The following ME1 variants were observed in gnomAD, a reference collection of about 807,000 sequenced individuals.
ME1 encodes the protein NADP-dependent malic enzyme.
In ME1, 74 loss-of-function variants were observed where a neutral mutation model predicts 66.4. The observed-to-expected ratio is 1.11, with a 90% CI of 0.92 to 1.35. The LOEUF is 1.35. Ranked by LOEUF, ME1 falls within the 40% of genes most tolerant of loss-of-function variation. The pLI is 0.00. For missense variants in ME1, 750 were observed against 694.1 expected, an observed-to-expected ratio of 1.08 and a Z score of -0.90; for synonymous variants, 251 against 235.6, an observed-to-expected ratio of 1.07 and a Z score of -0.60.
chr6:83,243,075 T>C (rs888517661), intron 7 of ME1, among the ~76,000 whole-genome samples: 11 of 150,668 alleles, frequency 7.3e-5, no homozygotes, highest in Non-Finnish European at 1.3e-4. Context: ...CTGGGCAACA[T>C]AGAGATACCC....
At chr6:83,391,004 G>C (rs1174046321) in intron 3 of ME1, among the ~76,000 whole-genome samples, 1 of 152,054 alleles carries the variant, frequency 6.6e-6, no homozygotes, top group South Asian at 2.1e-4. Context: ...ATGACAGTAA[G>C]TGAAATAAAT....
chr6:83,279,618 A>G (rs1463544943), intron 6 of ME1, among the ~76,000 whole-genome samples: 3 of 152,162 alleles, frequency 2.0e-5, no homozygotes, highest in Admixed American at 6.6e-5. Context: ...GAGAGAGAGA[A>G]AAAAATAACA....
intron 5 of ME1, among the ~76,000 whole-genome samples, chr6:83,333,996 C>T (rs1309531213): frequency 1.3e-5 from 2 of 151,926 alleles, no homozygotes; most frequent in Non-Finnish European, 2.9e-5. Context: ...CTCTGGTCTA[C>T]AGCTCCCAGC....
At chr6:83,325,948 CAA>C (rs199839173) in intron 5 of ME1, among the ~76,000 whole-genome samples, 8 of 120,808 alleles carry the variant, frequency 6.6e-5, no homozygotes, top group African/African-American at 1.6e-4. Context: ...ACGAAGCAAA[CAA>C]AAAAAAAAAA....
chr6:83,420,242 A>G (rs1770239268), intron 1 of ME1, among the ~76,000 whole-genome samples: 1 of 151,980 alleles, frequency 6.6e-6, no homozygotes, highest in Admixed American at 6.6e-5. Flanking sequence ...TAATTTTTAT[A>G]TTTTTAGTAG....
chr6:83,317,462 G>C (rs1209570814), intron 5 of ME1, among the ~76,000 whole-genome samples: 2 of 151,476 alleles, frequency 1.3e-5, no homozygotes, highest in Non-Finnish European at 2.9e-5. Flanking sequence ...TTGGCTCTCT[G>C]TTTGTCTGTT....
At chr6:83,221,261 T>A (rs1476059905) in intron 12 of ME1, among the ~76,000 whole-genome samples, 6 of 152,106 alleles carry the variant, frequency 3.9e-5, no homozygotes, top group Non-Finnish European at 5.9e-5. Context: ...AAATTAAATG[T>A]CAAAGTGTGT....
At chr6:83,380,416 T>C (rs1444340605) in intron 3 of ME1, among the ~76,000 whole-genome samples, 1 of 152,070 alleles carries the variant, frequency 6.6e-6, no homozygotes, top group Non-Finnish European at 1.5e-5. Context: ...ATATATCTTT[T>C]TGAAAATCCA....
intron 7 of ME1, among the ~76,000 whole-genome samples, chr6:83,243,887 G>GTA (rs370591861): frequency 0.33 from 41,981 of 127,240 alleles, 6,841 homozygotes; most frequent in Middle Eastern, 0.43. Context: ...ATGTGTGTGT[G>GTA]TATATATATA....
At chr6:83,393,008 T>C in intron 3 of ME1, 1 of 1,033,360 alleles carries the variant, frequency 9.7e-7, no homozygotes. Flanking sequence ...GCCATGGGGC[T>C]CTCCAGAACA....
At chr6:83,304,327 C>A (rs1220560121) in intron 6 of ME1, among the ~76,000 whole-genome samples, 5 of 152,166 alleles carry the variant, frequency 3.3e-5, no homozygotes, top group Non-Finnish European at 5.9e-5. Context: ...AGCTGAGAGT[C>A]AGGCTCCAAA....
intron 5 of ME1, among the ~76,000 whole-genome samples, chr6:83,329,260 T>C (rs1227752344): frequency 6.6e-6 from 1 of 152,214 alleles, no homozygotes; most frequent in African/African-American, 2.4e-5. Flanking sequence ...ATTAGCACCT[T>C]GATGTATATT....
chr6:83,352,485 T>C (rs1020485401), intron 3 of ME1, among the ~76,000 whole-genome samples: 17 of 152,184 alleles, frequency 1.1e-4, no homozygotes, highest in South Asian at 2.1e-4. Context: ...CATGATATAA[T>C]ATATATAAAA....
At position 83,429,380 on chromosome 6, in the gene ME1, A is replaced by G. The variant is rs566385539; in HGVS notation, c.78+1497T>C. Among the ~76,000 whole-genome samples, 21 of 152,308 alleles carry G rather than the reference A, an allele frequency of 1.4e-4. No homozygotes were observed. In the South Asian group the frequency reaches 3.3e-3, roughly 24 times the overall value. On this transcript the variant is annotated intron_variant, in intron 1 of 13. Coordinates refer to ENST00000369705, the MANE Select transcript of ME1 (RefSeq NM_002395.6). ...CTCTTAATAGACACTCTTGCCCCCA[A>G]CTTGAGGAAAATCAAACAGGTTATA...
At chr6:83,399,454 T>C (rs1769803280) in intron 2 of ME1, among the ~76,000 whole-genome samples, 1 of 152,234 alleles carries the variant, frequency 6.6e-6, no homozygotes, top group South Asian at 2.1e-4. Flanking sequence ...ATAGATTTAG[T>C]ATTAACTAAG....
At chr6:83,273,771 G>C (rs983505983) in intron 6 of ME1, among the ~76,000 whole-genome samples, 1 of 152,136 alleles carries the variant, frequency 6.6e-6, no homozygotes, top group East Asian at 1.9e-4. Flanking sequence ...TGAAATGAAC[G>C]TTATATGACA....
At chr6:83,359,043 G>C (rs1047623314) in intron 3 of ME1, among the ~76,000 whole-genome samples, 1 of 151,198 alleles carries the variant, frequency 6.6e-6, no homozygotes, top group Non-Finnish European at 1.5e-5. Flanking sequence ...CTTCCCAGAT[G>C]GTGGGCAGCT....
chr6:83,301,336 CTCTT>C (rs35826969), intron 6 of ME1, among the ~76,000 whole-genome samples: 36,813 of 122,584 alleles, frequency 0.3, 5,104 homozygotes, highest in Middle Eastern at 0.48. Context: ...CTCTCTCTCT[CTCTT>C]TCTTTCTTTC....
chr6:83,242,255 TAACATA>T (rs1175576400), intron 7 of ME1, among the ~76,000 whole-genome samples: 2 of 152,210 alleles, frequency 1.3e-5, no homozygotes, highest in African/African-American at 2.4e-5. Context: ...CTTACGACTT[TAACATA>T]AACATAAACA....
Sources: allele counts gnomAD v4.1 joint callset (sites outside exome capture counted in the v4.1 genomes callset), GRCh38; gene constraint gnomAD v4.1.1; transcripts MANE v1.5; gene names NCBI Gene and HGNC (gene_info 2026-07-23, HGNC 2026-07-21).